The following TNRC18 variants were observed in gnomAD, a reference collection of about 807,000 sequenced individuals.
The protein encoded by TNRC18 is trinucleotide repeat containing 18.
In TNRC18, 69 loss-of-function variants were observed where a neutral mutation model predicts 226.7. That is an observed-to-expected ratio of 0.30 (90% CI 0.25 to 0.37). TNRC18 has a LOEUF of 0.37. Ranked by LOEUF, TNRC18 falls within the 10% of genes least tolerant of loss-of-function variation. TNRC18 has a pLI of 1.00. For synonymous variants in TNRC18, 2,449 were observed against 1,927.6 expected, an observed-to-expected ratio of 1.27 and a Z score of -7.09; for missense variants, 4,754 against 4,256.6, an observed-to-expected ratio of 1.12 and a Z score of -3.25.
chr7:5,325,517 G>A (rs375217973), intron 19 of TNRC18: 16 of 376,462 alleles, frequency 4.3e-5, no homozygotes, highest in African/African-American at 8.9e-5. Flanking sequence ...TCTGCCTCCC[G>A]GGTTCACGCC....
At chr7:5,370,241 T>C (rs1794017841) in intron 11 of TNRC18, 134 bp downstream of exon 11, 1 of 1,079,200 alleles carries the variant, frequency 9.3e-7, no homozygotes, top group South Asian at 1.7e-5. Flanking sequence ...GAAGATCACT[T>C]GAGCCCAGGA....
In TNRC18 at chr7:5,313,725, GC is replaced by G. The variant is rs1415849053; in HGVS notation, c.7165del (p.Ala2389ArgfsTer111). The G allele has an allele frequency of 6.3e-7, 1 of 1,576,716 alleles. No individual in the cohort carries two copies. Among genetic ancestry groups the G allele is most frequent in the Non-Finnish European group, 8.6e-7 (1 of 1,161,952 alleles). The stretch of plus-strand genomic sequence containing the variant: ...ACTGGGCTGCGGCGGTGCCGGGCGC[GC>G]CTTGGGGGCCTTGGCTCGCTTGTCC... The part of the protein sequence containing the change: ...PVDKRAKAPK[A>X]RPAPPQPSPA... On this transcript the variant is annotated frameshift_variant, in exon 27 of 30. Coordinates refer to ENST00000430969, the MANE Select transcript of TNRC18 (RefSeq NM_001080495.3). LOFTEE classifies it high-confidence loss of function.
intron 27 of TNRC18, among the ~76,000 whole-genome samples, chr7:5,310,307 G>A (rs1787045224): frequency 6.6e-6 from 1 of 152,188 alleles, no homozygotes; most frequent in Non-Finnish European, 1.5e-5. Context: ...TTGGCTCACT[G>A]TAGCCTCTGC....
intron 8 of TNRC18, 32 bp downstream of exon 8, chr7:5,376,815 G>A (rs1303125320): frequency 1.2e-6 from 2 of 1,601,592 alleles, no homozygotes; most frequent in South Asian, 2.3e-5. Flanking sequence ...GGCCAGTCTG[G>A]CCCATGGTGG....
intron 15 of TNRC18, among the ~76,000 whole-genome samples, chr7:5,357,528 C>T (rs1792574511): frequency 6.6e-6 from 1 of 152,194 alleles, no homozygotes; most frequent in Non-Finnish European, 1.5e-5. Flanking sequence ...TCTCCTGCCT[C>T]AGGCTCCCGA....
intron 14 of TNRC18, among the ~76,000 whole-genome samples, chr7:5,361,235 G>A (rs979379261): frequency 1.3e-5 from 2 of 152,214 alleles, no homozygotes; most frequent in Non-Finnish European, 2.9e-5. Flanking sequence ...GTCATAGCCC[G>A]TCCCAACAAG....
Position 5,308,740 on chromosome 7 carries a change from G to A in TNRC18, c.8700+135C>T, listed in dbSNP as rs931103533. ...GAACAGGAGCCAGGCACTGAGAGTG[G>A]CAGGGACAGGAGGTCAGAGGCTGAG... On this transcript the variant is annotated intron_variant, in intron 29 of 29. Coordinates refer to ENST00000430969, the MANE Select transcript of TNRC18 (RefSeq NM_001080495.3). 14 of 907,094 alleles carry A rather than the reference G, an allele frequency of 1.5e-5. No homozygotes were observed. In the African/African-American group the frequency reaches 2.3e-4, roughly 15 times the overall value. The allele number at this position is 907,094 out of a possible 1,614,324, so 56.2% of individuals were successfully genotyped here. A position where few individuals can be genotyped will look rare whatever the true frequency, so the allele number is the denominator to read the frequency against.
At chr7:5,315,316 C>T (rs1191622584) in intron 25 of TNRC18, among the ~76,000 whole-genome samples, 168 bp from the exon 26 acceptor site, 2 of 152,182 alleles carry the variant, frequency 1.3e-5, no homozygotes, top group African/African-American at 2.4e-5. Flanking sequence ...GCAGGGGAAA[C>T]CCCGTCTGCA....
chr7:5,369,914 G>C (rs1457129275), intron 11 of TNRC18, among the ~76,000 whole-genome samples: 1 of 152,116 alleles, frequency 6.6e-6, no homozygotes, highest in Non-Finnish European at 1.5e-5. Flanking sequence ...AAAAATGCTC[G>C]AGATGGAACA....
At chr7:5,351,494 A>C (rs1200955272) in intron 17 of TNRC18, among the ~76,000 whole-genome samples, 1 of 83,266 alleles carries the variant, frequency 1.2e-5, no homozygotes, top group Non-Finnish European at 2.6e-5. Flanking sequence ...GGTGGGGGGA[A>C]CTCGGGGGAG....
chr7:5,378,093 T>G (rs907674258), intron 5 of TNRC18, 69 bp from the exon 6 acceptor site: 4 of 1,326,462 alleles, frequency 3.0e-6, no homozygotes. Context: ...TTGGCCCCAC[T>G]GCCCTCACCC....
chr7:5,398,047 C>A (rs1424785302), intron 2 of TNRC18, among the ~76,000 whole-genome samples: 1 of 152,150 alleles, frequency 6.6e-6, no homozygotes, highest in Non-Finnish European at 1.5e-5. Context: ...TTCACCCAGG[C>A]TGCAGTGCAG....
Position 5,357,081 on chromosome 7 carries a change from TG to T in TNRC18, c.5028del (p.Asn1676LysfsTer13). 6.4e-7 allele frequency: 1 copy of T among 1,552,172 alleles called. No homozygotes were observed. Among genetic ancestry groups the T allele is most frequent in the East Asian group, 2.4e-5 (1 of 40,926 alleles). ...CCGAGGCCCTTGGCCAGCGCCTTCC[TG>T]TTCTTCCCCAGCAGGCTGTCGTAAG... ...LTPYDSLLGK[N>X]RKALAKGLGL... On this transcript the variant is annotated frameshift_variant, in exon 16 of 30. Transcript: ENST00000430969. LOFTEE classifies it high-confidence loss of function.
intron 5 of TNRC18, among the ~76,000 whole-genome samples, chr7:5,385,339 T>A (rs1360051742): frequency 1.3e-5 from 2 of 151,394 alleles, no homozygotes; most frequent in Non-Finnish European, 2.9e-5. Context: ...ATACAAAAAA[T>A]TAGCCGGGCG....
Position 5,312,906 on chromosome 7 carries a change from G to A in TNRC18, c.7985C>T (p.Ser2662Phe). 4.0e-6 allele frequency: 6 copies of A among 1,514,572 alleles called. No individual in the cohort carries two copies. The highest frequency in any genetic ancestry group is 2.7e-5 in the South Asian group (2 of 75,146). 93.8% of individuals were successfully genotyped at this position (1,514,572 alleles called of 1,614,324 possible). ...SSSSSSSSSS[S>F]SSSSSSSSST... ...GGAAGAAGAGGAGGAAGAGGAGGAG[G>A]AGGAGGAGGATGAGGACGAGGAAGA... The change falls in exon 27 of 30, where the codon TCC becomes TTC. Residue 2662 changes from serine to phenylalanine, a missense_variant. Transcript: ENST00000430969. This position sits in a 1 kb window ranked among gnomAD's most constrained non-coding sequence, Gnocchi z 6.3.
intron 18 of TNRC18, among the ~76,000 whole-genome samples, chr7:5,339,266 G>C (rs891288990): frequency 6.8e-6 from 1 of 148,110 alleles, no homozygotes; most frequent in African/African-American, 2.5e-5. Context: ...TTGAGATGGA[G>C]TCTCACTCTA....
chr7:5,309,160 C>T lies in TNRC18; in HGVS notation c.8597G>A (p.Ser2866Asn), dbSNP rs746559857. ...VKWFYHPEET[S>N]PGKQFHQGQH... ...GCCCTGGTGGAACTGCTTGCCCGGG[C>T]TGGTCTCCTCGGGGTGGTAGAACCA... is the stretch of plus-strand genomic sequence containing the variant. The change falls in exon 28 of 30, where the codon AGC (serine) becomes AAC (asparagine). Residue 2866 changes from serine to asparagine, a missense_variant. Physicochemically the swap from Ser to Asn is conservative, Grantham distance 46. Transcript: ENST00000430969. The surrounding 1 kb of genome is among the most constrained non-coding windows in gnomAD (Gnocchi z 5.7). 12 of 1,611,798 alleles carry T rather than the reference C, an allele frequency of 7.4e-6. No homozygotes were observed. The highest frequency in any genetic ancestry group is 9.3e-6 in the Non-Finnish European group (11 of 1,179,484).
Position 5,307,265 on chromosome 7 carries a change from T to A in TNRC18, c.*841A>T, listed in dbSNP as rs1786633526. ...AGTTTTAAAAAGTTTATATATATAT[T>A]TATATATATTTATCTTTATATATAT... On this transcript the variant is annotated 3_prime_UTR_variant, in exon 30 of 30. Transcript: ENST00000430969. 2 of 149,000 alleles carry A rather than the reference T, an allele frequency of 1.3e-5. No homozygotes were observed. The highest frequency in any genetic ancestry group is 2.4e-5 in the African/African-American group (1 of 40,966). 9.2% of individuals were successfully genotyped at this position (149,000 alleles called of 1,614,324 possible).
chr7:5,324,093 T>G lies in TNRC18; in HGVS notation c.6442+121A>C. On this transcript the variant is annotated intron_variant, in intron 21 of 29. Coordinates refer to ENST00000430969, the MANE Select transcript of TNRC18 (RefSeq NM_001080495.3). This position sits in a 1 kb window ranked among gnomAD's most constrained non-coding sequence, Gnocchi z 4.8. ...GATAACTCAGCCTCAGGATCTCTGC[T>G]CCTGTGGTTCCCTGCCCCCAGCTAG... 1 of 1,138,028 alleles carries G rather than the reference T, an allele frequency of 8.8e-7. No homozygotes were observed. The highest frequency in any genetic ancestry group is 1.2e-6 in the Non-Finnish European group (1 of 818,636). The allele number at this position is 1,138,028 out of a possible 1,614,324, so 70.5% of individuals were successfully genotyped here.
Sources: allele counts gnomAD v4.1 joint callset (sites outside exome capture counted in the v4.1 genomes callset), GRCh38; gene constraint gnomAD v4.1.1; non-coding constraint Gnocchi (gnomAD v3.1); transcripts MANE v1.5; gene names NCBI Gene and HGNC (gene_info 2026-07-23, HGNC 2026-07-21).